The following INPP5A variants were observed in gnomAD, a reference collection of about 807,000 sequenced individuals.
The protein encoded by INPP5A is 43 kDa inositol polyphosphate 5-phophatase.
A neutral mutation model predicts 65.2 loss-of-function variants in INPP5A; 14 were observed. That is an observed-to-expected ratio of 0.21 (90% CI 0.14 to 0.34). The LOEUF (loss-of-function observed/expected upper bound fraction) is 0.34. Among genes scored for constraint, INPP5A ranks in the 10% least tolerant of loss-of-function variants. The pLI is 1.00. For synonymous variants in INPP5A, 207 were observed against 208.3 expected, an observed-to-expected ratio of 0.99 and a Z score of 0.05; for missense variants, 431 against 545.6, an observed-to-expected ratio of 0.79 and a Z score of 2.09.
rs1385987382 is a variant in INPP5A, at chr10:132,753,400, G to C, written c.903+3555G>C. 2.0e-5 allele frequency among the ~76,000 whole-genome samples: 3 copies of C among 152,156 alleles called. No individual in the cohort carries two copies. Among genetic ancestry groups the C allele is most frequent in the African/African-American group, 7.2e-5 (3 of 41,414 alleles). On this transcript the variant is annotated intron_variant, in intron 11 of 15. Transcript: ENST00000368594. The surrounding 1 kb of genome is among the most constrained non-coding windows in gnomAD (Gnocchi z 5.3). ...TCCATTGCATCCTTCATCAACCGCC[G>C]GTCTTGTACCCGTCTGACAGAAATT...
At position 132,708,355 on chromosome 10, in the gene INPP5A, A is replaced by G. The variant is rs1425438568; in HGVS notation, c.517A>G (p.Ile173Val). Residue 173 changes from isoleucine to valine, a missense_variant, in exon 7 of 16, where the codon ATT becomes GTT. Physicochemically the swap from Ile to Val is conservative, Grantham distance 29. Coordinates refer to ENST00000368594, the MANE Select transcript of INPP5A (RefSeq NM_005539.5). ...AGGCTTCATCCGGACGAGGTGGTGC[A>G]TTGCAGACTGGTACGTGGTGTCTGT... ...RKGFIRTRWC[I>V]ADCAFDLVNI... is the part of the protein sequence containing the mutation. The G allele has an allele frequency of 3.1e-6, 5 of 1,614,048 alleles. No individual in the cohort carries two copies. The highest frequency in any genetic ancestry group is 4.2e-6 in the Non-Finnish European group (5 of 1,179,906).
chr10:132,695,733 C>T (rs1368188051), intron 5 of INPP5A, among the ~76,000 whole-genome samples: 1 of 152,154 alleles, frequency 6.6e-6, no homozygotes, highest in African/African-American at 2.4e-5. Flanking sequence ...AAATTAAAAA[C>T]ATAATACCAT....
intron 11 of INPP5A, among the ~76,000 whole-genome samples, chr10:132,764,475 G>A (rs370460329): frequency 1.4e-5 from 2 of 146,520 alleles, no homozygotes; most frequent in Non-Finnish European, 3.0e-5. Flanking sequence ...AAACACGGTC[G>A]GGTCAGTCCT....
At chr10:132,671,013 CTTTCTTTGGATGTCT>C (rs1480870476) in intron 4 of INPP5A, among the ~76,000 whole-genome samples, 1 of 152,026 alleles carries the variant, frequency 6.6e-6, no homozygotes, top group African/African-American at 2.4e-5. Flanking sequence ...TGGGAGATAG[CTTTCTTTGGATGTCT>C]TTTCCCGTAA....
chr10:132,748,045 A>C (rs937715947), intron 9 of INPP5A, among the ~76,000 whole-genome samples: 9 of 152,178 alleles, frequency 5.9e-5, no homozygotes, highest in African/African-American at 1.7e-4. Flanking sequence ...TCAAGACCCT[A>C]TCTGCAAAAA....
In INPP5A at chr10:132,659,192, G is replaced by A. The variant is rs1371075093; in HGVS notation, c.306+8687G>A. 6.6e-6 allele frequency among the ~76,000 whole-genome samples: 1 copy of A among 152,234 alleles called. No individual in the cohort carries two copies. The highest frequency in any genetic ancestry group is 6.5e-5 in the Admixed American group (1 of 15,288). ...CTCCTGTAGGTGTCAGGCAGACTCA[G>A]AGGCACAGGGGTTCAGATTGAGGCC... On this transcript the variant is annotated intron_variant, in intron 4 of 15. Coordinates refer to ENST00000368594, the MANE Select transcript of INPP5A (RefSeq NM_005539.5). The surrounding 1 kb of genome is among the most constrained non-coding windows in gnomAD (Gnocchi z 5.5).
chr10:132,571,981 ACTGTTTC>A (rs2071347015), intron 1 of INPP5A, among the ~76,000 whole-genome samples: 2 of 152,094 alleles, frequency 1.3e-5, no homozygotes, highest in Middle Eastern at 3.2e-3. Context: ...CCTCTGTCTC[ACTGTTTC>A]CTGTGGTCCC....
intron 4 of INPP5A, among the ~76,000 whole-genome samples, chr10:132,680,498 G>A (rs993607254): frequency 3.9e-5 from 6 of 152,250 alleles, no homozygotes; most frequent in Non-Finnish European, 7.3e-5. Flanking sequence ...ACAGCGTGCT[G>A]GCAGTCCTCA....
rs75078789 is a variant in INPP5A at position 132,772,675 on chromosome 10, G to C, written c.978-4996G>C. 2.9e-5 allele frequency among the ~76,000 whole-genome samples: 2 copies of C among 68,168 alleles called. 1 individual carries two copies. The highest frequency in any genetic ancestry group is 8.1e-4 in the East Asian group (2 of 2,472). The allele number at this position is 68,168 out of a possible 152,430, so 44.7% of individuals were successfully genotyped here. On this transcript the variant is annotated intron_variant, in intron 12 of 15. Transcript: ENST00000368594. Reference sequence around the variant, plus strand: ...CACTGACACAGAGGCCACGGCAGCCGCCCCACGAAGAGTGGGACGGACACT... The same window carrying C: ...CACTGACACAGAGGCCACGGCAGCCCCCCCACGAAGAGTGGGACGGACACT...
chr10:132,662,659 G>C (rs1022350689), intron 4 of INPP5A, among the ~76,000 whole-genome samples: 1 of 152,210 alleles, frequency 6.6e-6, no homozygotes, highest in African/African-American at 2.4e-5. Flanking sequence ...CAGGAGGGGA[G>C]CACGGTAGAT....
intron 1 of INPP5A, among the ~76,000 whole-genome samples, chr10:132,569,074 C>A (rs2133281170): frequency 6.6e-6 from 1 of 151,996 alleles, no homozygotes; most frequent in South Asian, 2.1e-4. Flanking sequence ...TTCCACCATG[C>A]CTGTCTAATT....
intron 12 of INPP5A, among the ~76,000 whole-genome samples, chr10:132,768,595 G>A (rs1846895914): frequency 6.6e-6 from 1 of 152,228 alleles, no homozygotes; most frequent in African/African-American, 2.4e-5. Context: ...GCCCCTGTCA[G>A]GACACGTTGG....
intron 9 of INPP5A, among the ~76,000 whole-genome samples, chr10:132,745,729 G>A (rs1260301004): frequency 2.0e-5 from 3 of 150,580 alleles, no homozygotes; most frequent in Non-Finnish European, 4.4e-5. Flanking sequence ...GTGGGCTTCG[G>A]GCGTGGTGGG....
chr10:132,646,199 G>A (rs1448420562), intron 3 of INPP5A, among the ~76,000 whole-genome samples: 1 of 152,196 alleles, frequency 6.6e-6, no homozygotes, highest in Non-Finnish European at 1.5e-5. Context: ...GCCTCCACAC[G>A]GCGAGGGTCT....
intron 8 of INPP5A, among the ~76,000 whole-genome samples, chr10:132,716,674 T>C (rs1845745572): frequency 6.6e-6 from 1 of 152,182 alleles, no homozygotes; most frequent in Admixed American, 6.5e-5. Context: ...TGTTTTCTGC[T>C]AGCTGGAGAG....
intron 11 of INPP5A, among the ~76,000 whole-genome samples, chr10:132,756,921 G>A (rs894177871): frequency 2.0e-5 from 3 of 152,118 alleles, no homozygotes; most frequent in Admixed American, 1.3e-4. Context: ...TGTCTGTGTC[G>A]TTGTCTTCAT....
At chr10:132,544,165 C>G (rs1023907541) in intron 1 of INPP5A, among the ~76,000 whole-genome samples, 2 of 152,264 alleles carry the variant, frequency 1.3e-5, no homozygotes, top group African/African-American at 4.8e-5. Flanking sequence ...GGGACCTCAT[C>G]TAGACGCACA....
intron 6 of INPP5A, among the ~76,000 whole-genome samples, chr10:132,708,056 C>T (rs1845566426): frequency 6.6e-6 from 1 of 152,216 alleles, no homozygotes; most frequent in Non-Finnish European, 1.5e-5. Flanking sequence ...AGGCGGCAGG[C>T]TGGCACGTTT....
At chr10:132,696,433 G>A (rs1845345172) in intron 5 of INPP5A, among the ~76,000 whole-genome samples, 2 of 152,216 alleles carry the variant, frequency 1.3e-5, no homozygotes, top group Admixed American at 1.3e-4. Flanking sequence ...TCTGCCTTGT[G>A]GGTGAATGGG....
Sources: gnomAD v4.1 joint callset for allele counts (sites outside exome capture counted in the v4.1 genomes callset) on GRCh38, gnomAD v4.1.1 for gene constraint, Gnocchi (gnomAD v3.1) non-coding constraint, MANE v1.5 for transcripts, NCBI Gene and HGNC (gene_info 2026-07-23, HGNC 2026-07-21) for gene names.